PLXNA2: variants seen among roughly 807,000 people sequenced by gnomAD.
PLXNA2 encodes plexin A2.
Under a neutral mutation model 193.5 loss-of-function variants are expected in PLXNA2, and 91 were observed. The observed-to-expected ratio is 0.47, with a 90% CI of 0.40 to 0.56. The LOEUF is 0.56. PLXNA2 is among the 20% of genes least tolerant of loss of function. The pLI, the probability that PLXNA2 is intolerant of heterozygous loss-of-function variation, is 0.00. For missense variants in PLXNA2, 1,995 were observed against 2,503.2 expected (o/e 0.80, Z 4.33); for synonymous variants, 997 against 1,027.3 (o/e 0.97, Z 0.56).
At chr1:208,142,250 G>A in intron 4 of PLXNA2, 79 bp downstream of exon 4, 6 of 1,471,688 alleles carry the variant, frequency 4.1e-6, no homozygotes, top group Non-Finnish European at 5.5e-6. Context: ...TTCTTGGACT[G>A]AACAGTTTCT....
chr1:208,060,031 G>T (rs1168638156), intron 13 of PLXNA2, among the ~76,000 whole-genome samples: 1 of 152,142 alleles, frequency 6.6e-6, no homozygotes, highest in Non-Finnish European at 1.5e-5. Context: ...CATGCAGAAT[G>T]ATTTGGCTGC....
At chr1:208,160,717 C>G (rs1669083725) in intron 3 of PLXNA2, among the ~76,000 whole-genome samples, 1 of 152,244 alleles carries the variant, frequency 6.6e-6, no homozygotes, top group Admixed American at 6.5e-5. Flanking sequence ...AGCATTCATG[C>G]TCTGGGGCAC....
intron 1 of PLXNA2, among the ~76,000 whole-genome samples, chr1:208,237,617 G>A (rs1317465235): frequency 5.9e-5 from 9 of 152,282 alleles, no homozygotes; most frequent in South Asian, 4.2e-4. Flanking sequence ...TGGAGACTGC[G>A]AGAGCATTAA....
intron 4 of PLXNA2, among the ~76,000 whole-genome samples, chr1:208,108,541 G>A (rs116030180): frequency 9.7e-4 from 148 of 152,306 alleles, no homozygotes; most frequent in African/African-American, 3.5e-3. Context: ...ATGGACACCT[G>A]GAAGGACCCA....
At chr1:208,035,247 C>T (rs1356104903) in intron 26 of PLXNA2, among the ~76,000 whole-genome samples, 2 of 152,110 alleles carry the variant, frequency 1.3e-5, no homozygotes, top group Non-Finnish European at 2.9e-5. Context: ...CATGGTAGAG[C>T]CAATATTTGT....
intron 12 of PLXNA2, among the ~76,000 whole-genome samples, chr1:208,074,696 T>G (rs1666091476): frequency 6.6e-6 from 1 of 152,222 alleles, no homozygotes; most frequent in Admixed American, 6.5e-5. Context: ...CTCATTTATT[T>G]CTCTGCTGTC....
chr1:208,051,231 G>T (rs1298292875), intron 16 of PLXNA2, 25 bp downstream of exon 16: 6 of 1,597,718 alleles, frequency 3.8e-6, no homozygotes, highest in Middle Eastern at 3.9e-4. Flanking sequence ...GCTTCCAGGT[G>T]CATCCCTCCC....
At chr1:208,071,704 A>G (rs974989251) in intron 12 of PLXNA2, among the ~76,000 whole-genome samples, 8 of 152,228 alleles carry the variant, frequency 5.3e-5, no homozygotes, top group African/African-American at 1.9e-4. Flanking sequence ...GAGTAACTCC[A>G]TTATTCATCC....
In PLXNA2 at chr1:208,082,358, G is replaced by T; in HGVS notation, c.2395+54C>A. 7.0e-7 allele frequency: 1 copy of T among 1,419,538 alleles called. No homozygotes were observed. The highest frequency in any genetic ancestry group is 9.9e-7 in the Non-Finnish European group (1 of 1,012,736). 87.9% of individuals were successfully genotyped at this position (1,419,538 alleles called of 1,614,324 possible). ...GCTGGCTCTGATCCCTCTAGCCCCAGTCTTTCCCGGGGTCGTGAAAAGATC... is the reference window on the plus strand; with the variant it reads ...GCTGGCTCTGATCCCTCTAGCCCCATTCTTTCCCGGGGTCGTGAAAAGATC... On this transcript the variant is annotated intron_variant, in intron 11 of 31. Coordinates refer to ENST00000367033, the MANE Select transcript of PLXNA2 (RefSeq NM_025179.4). The surrounding 1 kb of genome is among the most constrained non-coding windows in gnomAD (Gnocchi z 4.2).
intron 18 of PLXNA2, among the ~76,000 whole-genome samples, chr1:208,045,586 G>A (rs1665034587): frequency 6.6e-6 from 1 of 152,192 alleles, no homozygotes; most frequent in Non-Finnish European, 1.5e-5. Context: ...TGGCCACAGA[G>A]TGGACAGAAA....
intron 28 of PLXNA2, 47 bp downstream of exon 28, chr1:208,033,272 G>A: frequency 6.6e-7 from 1 of 1,524,820 alleles, no homozygotes; most frequent in Admixed American, 1.7e-5. Flanking sequence ...GGGGCAGGAT[G>A]TGCTCCTTTA....
chr1:208,217,071 G>A lies in PLXNA2; in HGVS notation c.852C>T (p.Cys284=). 1 of 1,614,046 alleles carries A rather than the reference G, an allele frequency of 6.2e-7. No homozygotes were observed. Among genetic ancestry groups the A allele is most frequent in the Non-Finnish European group, 8.5e-7 (1 of 1,179,898 alleles). ...ATGAGTGGAACTTGGGGTCATCCTTGCAGAGCCGCACGATGCGTGAGGTGT... is the reference window on the plus strand; with the variant it reads ...ATGAGTGGAACTTGGGGTCATCCTTACAGAGCCGCACGATGCGTGAGGTGT... The part of the protein sequence containing the change: ...LFYTSRIVRL[C]KDDPKFHSYV... The change falls in exon 2 of 32, where the codon TGC becomes TGT. Residue 284 remains cysteine (C), a synonymous_variant. Coordinates refer to ENST00000367033, the MANE Select transcript of PLXNA2 (RefSeq NM_025179.4). This position sits in a 1 kb window ranked among gnomAD's most constrained non-coding sequence, Gnocchi z 4.7.
chr1:208,191,905 C>G (rs899413412), intron 3 of PLXNA2, among the ~76,000 whole-genome samples: 1 of 152,094 alleles, frequency 6.6e-6, no homozygotes, highest in Non-Finnish European at 1.5e-5. Context: ...GCACACAAAG[C>G]CCCGAGGTGA....
intron 3 of PLXNA2, among the ~76,000 whole-genome samples, chr1:208,146,781 A>G (rs570353381): frequency 1.3e-5 from 2 of 152,310 alleles, no homozygotes; most frequent in African/African-American, 4.8e-5. Context: ...CCAAAATCCA[A>G]CCAGGCAGCG....
intron 3 of PLXNA2, among the ~76,000 whole-genome samples, chr1:208,167,371 T>C (rs1669342659): frequency 6.6e-6 from 1 of 152,174 alleles, no homozygotes; most frequent in African/African-American, 2.4e-5. Context: ...TTGCACCTCA[T>C]TGTCTGCAGC....
chr1:208,140,981 G>C (rs982357209), intron 4 of PLXNA2, among the ~76,000 whole-genome samples: 1 of 152,178 alleles, frequency 6.6e-6, no homozygotes, highest in Non-Finnish European at 1.5e-5. Flanking sequence ...TGATAGGTCA[G>C]TGTTTATTTC....
At position 208,210,057 on chromosome 1, in the gene PLXNA2, G is replaced by A. The variant is rs577667660; in HGVS notation, c.1371+223C>T. ...TTTTTCTTAAAGTTTGGGAAATATT[G>A]AAATACGCTTGCATTCCTTACATAC... On this transcript the variant is annotated intron_variant, in intron 3 of 31. Coordinates refer to ENST00000367033, the MANE Select transcript of PLXNA2 (RefSeq NM_025179.4). 5.9e-4 allele frequency: 130 copies of A among 221,394 alleles called. No individual in the cohort carries two copies. In the Middle Eastern group the frequency reaches 0.014, roughly 24 times the overall value. 13.7% of individuals were successfully genotyped at this position (221,394 alleles called of 1,614,324 possible). A position where few individuals can be genotyped will look rare whatever the true frequency, so the allele number is the denominator to read the frequency against.
At chr1:208,117,833 C>T (rs1230682754) in intron 4 of PLXNA2, among the ~76,000 whole-genome samples, 2 of 152,290 alleles carry the variant, frequency 1.3e-5, no homozygotes, top group East Asian at 1.9e-4. Context: ...ATGCAGCAGG[C>T]TCAGGCAAGG....
At chr1:208,043,634 C>A (rs1664954622) in intron 20 of PLXNA2, among the ~76,000 whole-genome samples, 1 of 152,172 alleles carries the variant, frequency 6.6e-6, no homozygotes, top group Non-Finnish European at 1.5e-5. Context: ...GAGGTCTGGT[C>A]ATGAGACGCT....
Sources: allele counts gnomAD v4.1 joint callset (sites outside exome capture counted in the v4.1 genomes callset), GRCh38; gene constraint gnomAD v4.1.1; non-coding constraint Gnocchi (gnomAD v3.1); transcripts MANE v1.5; gene names NCBI Gene and HGNC (gene_info 2026-07-23, HGNC 2026-07-21).